Variants in PLD5 observed in about 807,000 individuals in gnomAD.
PLD5 encodes inactive phospholipase D5.
PLD5 carries 36 observed loss-of-function variants against 61.1 expected under a neutral mutation model. That is an observed-to-expected ratio of 0.59 (90% CI 0.45 to 0.78). The LOEUF (loss-of-function observed/expected upper bound fraction) is 0.78, where lower values mean the gene tolerates loss of function less well. PLD5 is among the 30% of genes least tolerant of loss of function. The probability of loss-of-function intolerance (pLI) is 0.00; values close to 1 mark genes in which losing one functional copy is unlikely to be tolerated. For synonymous variants in PLD5, 243 were observed against 242.8 expected (o/e 1.00, Z -0.01); for missense variants, 515 against 644.4 (o/e 0.80, Z 2.17).
At chr1:242,491,402 CACAT>C (rs1668146900) in intron 1 of PLD5, among the ~76,000 whole-genome samples, 1 of 152,160 alleles carries the variant, frequency 6.6e-6, no homozygotes, top group Non-Finnish European at 1.5e-5. Flanking sequence ...CGCACACACA[CACAT>C]AAACACACAA....
At chr1:242,138,173 C>A (rs1185212623) in intron 5 of PLD5, among the ~76,000 whole-genome samples, 1 of 152,072 alleles carries the variant, frequency 6.6e-6, no homozygotes, top group Admixed American at 6.6e-5. Flanking sequence ...ATAATTTAAT[C>A]CAATAATTAA....
chr1:242,336,849 A>G (rs1659540612), intron 2 of PLD5, among the ~76,000 whole-genome samples: 1 of 152,224 alleles, frequency 6.6e-6, no homozygotes. Flanking sequence ...ATCTAAGATG[A>G]TGAGTTTTGT....
At chr1:242,267,006 A>C (rs568880714) in intron 3 of PLD5, among the ~76,000 whole-genome samples, 1 of 152,182 alleles carries the variant, frequency 6.6e-6, no homozygotes, top group African/African-American at 2.4e-5. Context: ...AATCCCAGCT[A>C]CCCTGGAGGC....
chr1:242,246,280 C>T (rs370249437), intron 4 of PLD5, among the ~76,000 whole-genome samples: 2 of 152,068 alleles, frequency 1.3e-5, no homozygotes, highest in East Asian at 3.9e-4. Flanking sequence ...GCAGGAGGAT[C>T]TGTTGAACCC....
intron 1 of PLD5, among the ~76,000 whole-genome samples, chr1:242,422,672 G>A (rs375504015): frequency 3.3e-5 from 5 of 152,170 alleles, no homozygotes; most frequent in African/African-American, 4.8e-5. Context: ...TCCACAAAAC[G>A]GGACTGAGAA....
intron 1 of PLD5, among the ~76,000 whole-genome samples, chr1:242,437,929 G>C (rs1027438829): frequency 6.6e-6 from 1 of 152,184 alleles, no homozygotes; most frequent in Admixed American, 6.5e-5. Flanking sequence ...ATAAGATCCG[G>C]AGTTGTTAAG....
At chr1:242,234,280 G>A (rs1044289200) in intron 4 of PLD5, among the ~76,000 whole-genome samples, 95 of 152,036 alleles carry the variant, frequency 6.2e-4, no homozygotes, top group Non-Finnish European at 2.1e-4. Flanking sequence ...CCAGCCAACC[G>A]TGCATTGAAT....
chr1:242,182,845 A>G (rs7532987), intron 5 of PLD5, among the ~76,000 whole-genome samples: 3,975 of 152,282 alleles, frequency 0.026, 194 homozygotes, highest in African/African-American at 0.091. Flanking sequence ...TCTGTCTCAA[A>G]AAAATAAAAC....
chr1:242,486,653 C>T (rs1227622232), intron 1 of PLD5, among the ~76,000 whole-genome samples: 1 of 151,818 alleles, frequency 6.6e-6, no homozygotes, highest in Non-Finnish European at 1.5e-5. Context: ...GTCAGTGTGG[C>T]GATTCCTCAG....
At chr1:242,191,625 T>A (rs1482450834) in intron 5 of PLD5, among the ~76,000 whole-genome samples, 1 of 151,524 alleles carries the variant, frequency 6.6e-6, no homozygotes, top group Non-Finnish European at 1.5e-5. Context: ...AGGAAAAAAC[T>A]CTGCAGAAAA....
chr1:242,223,159 T>C (rs1477062398), intron 4 of PLD5, among the ~76,000 whole-genome samples: 1 of 152,142 alleles, frequency 6.6e-6, no homozygotes, highest in Non-Finnish European at 1.5e-5. Context: ...CCTCATGTGG[T>C]GGAAAACATG....
intron 5 of PLD5, among the ~76,000 whole-genome samples, chr1:242,129,159 TAACTC>T (rs2148750121): frequency 6.6e-6 from 1 of 152,318 alleles, no homozygotes; most frequent in East Asian, 1.9e-4. Flanking sequence ...CGATTTTTAA[TAACTC>T]TATTCTAAAC....
intron 3 of PLD5, among the ~76,000 whole-genome samples, chr1:242,285,887 C>G (rs1439202525): frequency 1.3e-5 from 2 of 151,996 alleles, no homozygotes; most frequent in Non-Finnish European, 2.9e-5. Flanking sequence ...GCGGGTGGAT[C>G]ACTTGAGGTC....
chr1:242,193,507 A>G (rs1668414766), intron 5 of PLD5, among the ~76,000 whole-genome samples: 1 of 152,206 alleles, frequency 6.6e-6, no homozygotes, highest in Non-Finnish European at 1.5e-5. Flanking sequence ...CCAAGGGCAC[A>G]CAGCTGGGGG....
In PLD5 at chr1:242,280,908, AAATGAATAAAGAGTCTCCTTCAGAAG is replaced by A. The variant is rs1674686337; in HGVS notation, c.495+7428_495+7453del. Reference sequence around the variant, plus strand: ...AGTAGATGCTGACTGTTTGCATGATAAATGAATAAAGAGTCTCCTTCAGAAGACTTGAGGGAATGGAGACTTGCCTA... The same window carrying A: ...AGTAGATGCTGACTGTTTGCATGATAACTTGAGGGAATGGAGACTTGCCTA... On this transcript the variant is annotated intron_variant, in intron 3 of 9. Coordinates refer to ENST00000536534, the MANE Select transcript of PLD5 (RefSeq NM_001372062.1). 4.6e-5 allele frequency among the ~76,000 whole-genome samples: 7 copies of A among 152,360 alleles called. No homozygotes were observed. In the South Asian group the frequency reaches 1.4e-3, roughly 32 times the overall value.
At chr1:242,386,313 C>T (rs1411033295) in intron 1 of PLD5, among the ~76,000 whole-genome samples, 4 of 152,100 alleles carry the variant, frequency 2.6e-5, no homozygotes, top group Non-Finnish European at 5.9e-5. Flanking sequence ...GTGACTTGCT[C>T]ATATCAAAGG....
At chr1:242,423,169 C>CAAGT (rs1665239857) in intron 1 of PLD5, among the ~76,000 whole-genome samples, 1 of 152,046 alleles carries the variant, frequency 6.6e-6, no homozygotes, top group African/African-American at 2.4e-5. Context: ...TATTTCAAAA[C>CAAGT]AAGTAGTAAC....
At chr1:242,393,997 T>C (rs1282022953) in intron 1 of PLD5, among the ~76,000 whole-genome samples, 3 of 143,470 alleles carry the variant, frequency 2.1e-5, no homozygotes, top group Admixed American at 7.5e-5. Context: ...AAGGCGGAGG[T>C]TGCAGTGAGC....
intron 5 of PLD5, among the ~76,000 whole-genome samples, chr1:242,169,891 T>C (rs1223142390): frequency 6.6e-6 from 1 of 151,930 alleles, no homozygotes; most frequent in East Asian, 1.9e-4. Flanking sequence ...AGATATCTCC[T>C]CTCTGGGAAG....
Sources: gnomAD v4.1 joint callset for allele counts (sites outside exome capture counted in the v4.1 genomes callset) on GRCh38, gnomAD v4.1.1 for gene constraint, MANE v1.5 for transcripts, NCBI Gene and HGNC (gene_info 2026-07-23, HGNC 2026-07-21) for gene names.